KCTD3: variants seen among roughly 807,000 people sequenced by gnomAD.
KCTD3 encodes potassium channel tetramerization domain containing 3.
KCTD3 carries 41 observed loss-of-function variants against 85.8 expected under a neutral mutation model. The ratio of observed to expected loss-of-function variants is 0.48; its 90% CI spans 0.37 to 0.62. KCTD3 has a LOEUF of 0.62. Ranked by LOEUF, KCTD3 falls within the 20% of genes least tolerant of loss-of-function variation. The pLI, the probability that KCTD3 is intolerant of heterozygous loss-of-function variation, is 0.00. For missense variants in KCTD3, 724 were observed against 989.9 expected, an observed-to-expected ratio of 0.73 and a Z score of 3.60; for synonymous variants, 338 against 345.4, an observed-to-expected ratio of 0.98 and a Z score of 0.24.
chr1:215,577,933 A>C (rs1427420590), intron 5 of KCTD3, 68 bp from the exon 6 acceptor site: 3 of 1,570,838 alleles, frequency 1.9e-6, no homozygotes, highest in Non-Finnish European at 2.6e-6. Flanking sequence ...AACTAGAGAA[A>C]ATAAAAATGG....
intron 10 of KCTD3, among the ~76,000 whole-genome samples, chr1:215,601,588 A>G (rs543445578): frequency 8.5e-5 from 13 of 152,288 alleles, no homozygotes; most frequent in African/African-American, 3.1e-4. Context: ...GCAAAAAAAG[A>G]GGAGACAACC....
chr1:215,592,409 G>A lies in KCTD3; in HGVS notation c.818-2947G>A, dbSNP rs12070117. ...TGCTGTTTTAAAGTGGAGAATAATC[G>A]GGTGCCATTTATTCTATCGTGATCG... On this transcript the variant is annotated intron_variant, in intron 9 of 17. Transcript: ENST00000259154. Among the ~76,000 whole-genome samples the A allele has an allele frequency of 6.9e-3, 1,042 of 151,634 alleles. 12 individuals carry two copies. Among genetic ancestry groups the A allele is most frequent in the African/African-American group, 0.023 (966 of 41,318 alleles).
At chr1:215,612,062 A>G (rs1655253855) in intron 15 of KCTD3, 141 bp downstream of exon 15, 1 of 598,944 alleles carries the variant, frequency 1.7e-6, no homozygotes. Context: ...CATAATCATA[A>G]CTCAAAATTA....
rs1659483352 is a variant in KCTD3 at position 215,574,199 on chromosome 1, A to G, written c.183+81A>G. On this transcript the variant is annotated intron_variant, in intron 3 of 17. Transcript: ENST00000259154. ...CCTAACATATAGTTACTCTAAGAAT[A>G]TAGGAGAACTGATATTTTAATAATC... 6.6e-6 allele frequency: 5 copies of G among 754,790 alleles called. No homozygotes were observed. The South Asian group carries it at 7.2e-5, about 11-fold the overall frequency. The allele number at this position is 754,790 out of a possible 1,614,324, so 46.8% of individuals were successfully genotyped here.
At chr1:215,588,981 G>A (rs1487465466) in intron 9 of KCTD3, among the ~76,000 whole-genome samples, 1 of 152,072 alleles carries the variant, frequency 6.6e-6, no homozygotes, top group African/African-American at 2.4e-5. Context: ...CTCAGCAATT[G>A]GGTATACTTC....
intron 14 of KCTD3, among the ~76,000 whole-genome samples, chr1:215,608,645 A>AT (rs888273499): frequency 6.6e-5 from 10 of 151,932 alleles, no homozygotes; most frequent in Non-Finnish European, 2.9e-5. Flanking sequence ...CAAAAGGTGT[A>AT]TAAGTTTAGT....
intron 4 of KCTD3, among the ~76,000 whole-genome samples, 183 bp downstream of exon 4, chr1:215,576,157 C>T (rs1026081348): frequency 2.6e-5 from 4 of 151,796 alleles, no homozygotes; most frequent in African/African-American, 9.7e-5. Context: ...CAACCTCCGC[C>T]TTTCAGGTTC....
At chr1:215,611,113 A>G (rs1349199888) in intron 14 of KCTD3, among the ~76,000 whole-genome samples, 2 of 151,886 alleles carry the variant, frequency 1.3e-5, no homozygotes, top group Admixed American at 6.6e-5. Flanking sequence ...TTTTCTTTAC[A>G]TTGTTGTTCA....
chr1:215,586,394 TTTGTTTTTTGTTG>T lies in KCTD3; in HGVS notation c.627-88_627-76del, dbSNP rs900618392. On this transcript the variant is annotated intron_variant, in intron 8 of 17. Transcript: ENST00000259154. ...GGATGGGTAACTGTTTAGTTTTTTT[TTTGTTTTTTGTTG>T]TTGTTTTTTGTTTTTGGTGCATTGA... is the stretch of plus-strand genomic sequence containing the variant. 4.1e-5 allele frequency: 40 copies of T among 985,410 alleles called. No individual in the cohort carries two copies. In the African/African-American group the frequency reaches 5.4e-4, roughly 13 times the overall value. The allele number at this position is 985,410 out of a possible 1,614,324, so 61.0% of individuals were successfully genotyped here. A position where few individuals can be genotyped will look rare whatever the true frequency, so the allele number is the denominator to read the frequency against.
At chr1:215,608,907 T>A (rs773426084) in intron 14 of KCTD3, among the ~76,000 whole-genome samples, 120 of 152,032 alleles carry the variant, frequency 7.9e-4, no homozygotes, top group Non-Finnish European at 1.4e-3. Context: ...CTCTGCATGA[T>A]TCTAGGCACT....
intron 14 of KCTD3, among the ~76,000 whole-genome samples, chr1:215,610,007 T>A (rs1655167606): frequency 2.0e-5 from 3 of 151,930 alleles, no homozygotes; most frequent in African/African-American, 7.2e-5. Context: ...TAAAAAGATA[T>A]TTATAAACAG....
chr1:215,581,483 A>C (rs1339964106), intron 8 of KCTD3, among the ~76,000 whole-genome samples: 1 of 152,134 alleles, frequency 6.6e-6, no homozygotes, highest in Non-Finnish European at 1.5e-5. Flanking sequence ...TATTTTTGTC[A>C]ATAAGGAATT....
At chr1:215,568,534 G>A (rs1044819221) in intron 1 of KCTD3, among the ~76,000 whole-genome samples, 20 of 129,672 alleles carry the variant, frequency 1.5e-4, no homozygotes, top group African/African-American at 6.1e-4. Context: ...GTTTGTTGGG[G>A]GAAAAAATCG....
At chr1:215,587,164 C>T (rs922147565) in intron 9 of KCTD3, among the ~76,000 whole-genome samples, 1 of 149,504 alleles carries the variant, frequency 6.7e-6, no homozygotes. Flanking sequence ...GAGTCTCGCT[C>T]TGTCGCCCAG....
At chr1:215,609,592 TGAGA>T (rs1320410857) in intron 14 of KCTD3, among the ~76,000 whole-genome samples, 2 of 151,794 alleles carry the variant, frequency 1.3e-5, no homozygotes, top group Non-Finnish European at 2.9e-5. Context: ...AGTGAAGACA[TGAGA>T]GAGTGAAGCA....
rs769492315 is a variant in KCTD3, at chr1:215,620,540, G to A, written c.2370G>A (p.Ala790=). Residue 790 remains alanine (A), a synonymous_variant, in exon 18 of 18, where the codon GCG becomes GCA. Coordinates refer to ENST00000259154, the MANE Select transcript of KCTD3 (RefSeq NM_016121.5). Reference sequence around the variant, plus strand: ...GAGGAACTGACTCACCTGGTACTGCGTCCCCATCTCCTACAAAGACTACTC... The same window carrying A: ...GAGGAACTGACTCACCTGGTACTGCATCCCCATCTCCTACAAAGACTACTC... The part of the protein sequence containing the change: ...SDGGTDSPGT[A]SPSPTKTTPS... 1.4e-5 allele frequency: 22 copies of A among 1,613,516 alleles called. No individual in the cohort carries two copies. Among genetic ancestry groups the A allele is most frequent in the East Asian group, 4.5e-5 (2 of 44,866 alleles).
At position 215,619,210 on chromosome 1, in the gene KCTD3, G is replaced by T; in HGVS notation, c.1805G>T (p.Ser602Ile). ...AAATTACTCGATCAATGTGATTTGAGCACATCTCGCTGTGCTACTCCTAAC... is the reference window on the plus strand; with the variant it reads ...AAATTACTCGATCAATGTGATTTGATCACATCTCGCTGTGCTACTCCTAAC... ...LLKLLDQCDL[S>I]TSRCATPNIS... Residue 602 changes from serine (S) to isoleucine (I), a missense_variant, in exon 17 of 18, where the codon AGC becomes ATC. By Grantham distance (142) the Ser-to-Ile change is moderately radical. Around this residue, in one of 6 missense-constraint regions of KCTD3, gnomAD observed 136 missense variants for 197.6 expected, o/e 0.69. Coordinates refer to ENST00000259154, the MANE Select transcript of KCTD3 (RefSeq NM_016121.5). The T allele has an allele frequency of 1.2e-6, 2 of 1,613,948 alleles. No individual in the cohort carries two copies. The highest frequency in any genetic ancestry group is 1.7e-6 in the Non-Finnish European group (2 of 1,179,812).
chr1:215,611,099 CT>C (rs1253885614), intron 14 of KCTD3, among the ~76,000 whole-genome samples: 1 of 151,778 alleles, frequency 6.6e-6, no homozygotes, highest in Non-Finnish European at 1.5e-5. Context: ...TAAACAAAAA[CT>C]TTTTTTCTTT....
intron 17 of KCTD3, among the ~76,000 whole-genome samples, 180 bp from the exon 18 acceptor site, chr1:215,619,877 A>G (rs1325186155): frequency 6.6e-6 from 1 of 152,140 alleles, no homozygotes; most frequent in Non-Finnish European, 1.5e-5. Context: ...TTGCATTGGT[A>G]ATTTTATATA....
Sources: allele counts gnomAD v4.1 joint callset (sites outside exome capture counted in the v4.1 genomes callset), GRCh38; gene constraint gnomAD v4.1.1; regional missense constraint gnomAD v4.1.1; transcripts MANE v1.5; gene names NCBI Gene and HGNC (gene_info 2026-07-23, HGNC 2026-07-21).